KSR2: variants seen among roughly 807,000 people sequenced by gnomAD.
KSR2 encodes the protein kinase suppressor of ras 2.
KSR2 carries 25 observed loss-of-function variants against 107.8 expected under a neutral mutation model. The observed-to-expected ratio is 0.23, with a 90% confidence interval of 0.17 to 0.32. The LOEUF (loss-of-function observed/expected upper bound fraction) is 0.32, where lower values mean the gene tolerates loss of function less well. KSR2 is among the 10% of genes least tolerant of loss of function. KSR2 has a pLI of 1.00. For synonymous variants in KSR2, 480 were observed against 507.0 expected (o/e 0.95, Z 0.71); for missense variants, 887 against 1,268.9 (o/e 0.70, Z 4.57).
At chr12:117,854,427 A>G (rs1226495462) in intron 3 of KSR2, among the ~76,000 whole-genome samples, 1 of 152,136 alleles carries the variant, frequency 6.6e-6, no homozygotes, top group African/African-American at 2.4e-5. Context: ...TGTTTTGTTC[A>G]CCGCTGCCTT....
Position 117,558,577 on chromosome 12 carries a change from A to C in KSR2, c.1326-4T>G. On this transcript the variant is annotated splice_region_variant and splice_polypyrimidine_tract_variant and intron_variant, in intron 7 of 19. Transcript: ENST00000339824. ...GCATTTGTTGTGGCACTTTAACCTG[A>C]GAAAGATAAAGAGAGAGAAAGATGG... The C allele has an allele frequency of 6.2e-7, 1 of 1,612,514 alleles. No homozygotes were observed. The highest frequency in any genetic ancestry group is 8.5e-7 in the Non-Finnish European group (1 of 1,178,612).
chr12:117,482,180 T>A (rs1025085726), intron 16 of KSR2, among the ~76,000 whole-genome samples: 1 of 151,764 alleles, frequency 6.6e-6, no homozygotes, highest in Non-Finnish European at 1.5e-5. Context: ...AGAGGCTGCA[T>A]GAAGAGGGAA....
chr12:117,941,227 C>T (rs1457991818), intron 1 of KSR2, among the ~76,000 whole-genome samples: 2 of 152,032 alleles, frequency 1.3e-5, no homozygotes, highest in Non-Finnish European at 2.9e-5. Flanking sequence ...CCATGACCTC[C>T]CCACCATGTC....
intron 3 of KSR2, among the ~76,000 whole-genome samples, chr12:117,791,516 G>A (rs1459250810): frequency 6.6e-6 from 1 of 152,148 alleles, no homozygotes; most frequent in Non-Finnish European, 1.5e-5. Flanking sequence ...TTTACTGAGT[G>A]AATGAATGAA....
chr12:117,812,842 C>CAAAAAAAAAAAAAAAA (rs3073170), intron 3 of KSR2, among the ~76,000 whole-genome samples: 15 of 95,544 alleles, frequency 1.6e-4, no homozygotes, highest in South Asian at 4.2e-4. Flanking sequence ...CCCAAATAGC[C>CAAAAAAAAAAAAAAAA]AAAAAAAAAA....
intron 4 of KSR2, among the ~76,000 whole-genome samples, chr12:117,709,158 T>C (rs1438615655): frequency 2.0e-5 from 3 of 152,150 alleles, no homozygotes; most frequent in Admixed American, 6.5e-5. Context: ...GTTCCAAGGG[T>C]GCAGACATCT....
chr12:117,567,337 C>T (rs1878565397), intron 7 of KSR2, among the ~76,000 whole-genome samples: 1 of 151,988 alleles, frequency 6.6e-6, no homozygotes, highest in Admixed American at 6.6e-5. Flanking sequence ...AATGAGTGGG[C>T]ACATGACCTG....
At chr12:117,930,653 T>C (rs900010903) in intron 1 of KSR2, among the ~76,000 whole-genome samples, 2 of 152,296 alleles carry the variant, frequency 1.3e-5, no homozygotes, top group Admixed American at 6.5e-5. Flanking sequence ...CAGTGGCTCA[T>C]GCCTATATTC....
chr12:117,814,553 T>C (rs1891307558), intron 3 of KSR2, among the ~76,000 whole-genome samples: 2 of 152,200 alleles, frequency 1.3e-5, no homozygotes, highest in Admixed American at 1.3e-4. Context: ...TTAAATAAAC[T>C]GCACAATGGG....
At chr12:117,568,197 C>T (rs1006541124) in intron 7 of KSR2, among the ~76,000 whole-genome samples, 8 of 152,162 alleles carry the variant, frequency 5.3e-5, no homozygotes, top group South Asian at 2.1e-4. Context: ...TCCTCTCCCT[C>T]GCCTTCCCTG....
At chr12:117,656,987 T>TATATATAATAGG (rs1884201396) in intron 5 of KSR2, among the ~76,000 whole-genome samples, 4 of 26,704 alleles carry the variant, frequency 1.5e-4, no homozygotes, top group African/African-American at 3.2e-4. Flanking sequence ...ATAGGATATA[T>TATATATAATAGG]ATATATATAT....
At chr12:117,551,166 A>C (rs1326343483) in intron 9 of KSR2, among the ~76,000 whole-genome samples, 1 of 152,170 alleles carries the variant, frequency 6.6e-6, no homozygotes, top group African/African-American at 2.4e-5. Context: ...AGGAATTGGC[A>C]GATGCTACTG....
At chr12:117,586,685 G>A (rs192615733) in intron 5 of KSR2, among the ~76,000 whole-genome samples, 5 of 140,026 alleles carry the variant, frequency 3.6e-5, no homozygotes, top group African/African-American at 1.4e-4. Flanking sequence ...GCTGTCTGCT[G>A]TGTTACCGTG....
At chr12:117,727,212 T>TAAA (rs56217436) in intron 4 of KSR2, among the ~76,000 whole-genome samples, 4 of 139,964 alleles carry the variant, frequency 2.9e-5, no homozygotes, top group Admixed American at 7.2e-5. Flanking sequence ...CCCATCTCTA[T>TAAA]AAAAAAAAAA....
In KSR2 at chr12:117,531,025, A is replaced by C; in HGVS notation, c.1730-12T>G. The C allele has an allele frequency of 6.2e-7, 1 of 1,612,304 alleles. No individual in the cohort carries two copies. Among genetic ancestry groups the C allele is most frequent in the Non-Finnish European group, 8.5e-7 (1 of 1,178,684 alleles). On this transcript the variant is annotated splice_polypyrimidine_tract_variant and intron_variant, in intron 11 of 19. Coordinates refer to ENST00000339824, the MANE Select transcript of KSR2 (RefSeq NM_173598.6). ...CACCGGCACCACATCTGAAAACCAGAGATTGAACACTCAGAAAAAAAATGT... is the reference window on the plus strand; with the variant it reads ...CACCGGCACCACATCTGAAAACCAGCGATTGAACACTCAGAAAAAAAATGT...
chr12:117,586,449 A>G (rs894854356), intron 5 of KSR2, among the ~76,000 whole-genome samples: 1 of 151,690 alleles, frequency 6.6e-6, no homozygotes, highest in African/African-American at 2.4e-5. Context: ...TTATTTTTGT[A>G]TATGGCGGGC....
rs1270581941 is a variant in KSR2, at chr12:117,555,238, T to C, written c.1449A>G (p.Leu483=). The C allele has an allele frequency of 2.5e-6, 4 of 1,613,772 alleles. No homozygotes were observed. The highest frequency in any genetic ancestry group is 3.4e-6 in the Non-Finnish European group (4 of 1,179,746). The change falls in exon 9 of 20, where the codon CTA becomes CTG. Residue 483 remains leucine (L), a synonymous_variant. Coordinates refer to ENST00000339824, the MANE Select transcript of KSR2 (RefSeq NM_173598.6). ...GGTCTGAATAGCGAGGTGGCTTCCG[T>C]AGAGGGTTGTTGATGTCACACGGAA... ...ESVPCDINNP[L]RKPPRYSDLH... is the part of the protein sequence containing the mutation.
intron 1 of KSR2, among the ~76,000 whole-genome samples, chr12:117,942,227 T>A (rs1323802050): frequency 6.6e-6 from 1 of 152,200 alleles, no homozygotes; most frequent in Non-Finnish European, 1.5e-5. Flanking sequence ...TCTCTTTGTG[T>A]TGGGAATATT....
rs909939050 is a variant in KSR2, at chr12:117,743,436, G to A, written c.986+17575C>T. Among the ~76,000 whole-genome samples, 6 of 152,232 alleles carry A rather than the reference G, an allele frequency of 3.9e-5. No individual in the cohort carries two copies. The South Asian group carries it at 1.2e-3, about 32-fold the overall frequency. ...CAAATGACAAATGGAGAGAAGTGGA[G>A]AGAAAGCAGCAAATGTCTCCTTCTT... is the stretch of plus-strand genomic sequence containing the variant. On this transcript the variant is annotated intron_variant, in intron 4 of 19. Transcript: ENST00000339824.
Sources: gnomAD v4.1 joint callset for allele counts (sites outside exome capture counted in the v4.1 genomes callset) on GRCh38, gnomAD v4.1.1 for gene constraint, MANE v1.5 for transcripts, NCBI Gene and HGNC (gene_info 2026-07-23, HGNC 2026-07-21) for gene names.